RFX3: variants seen among roughly 807,000 people sequenced by gnomAD.
RFX3 encodes regulatory factor X3.
A neutral mutation model predicts 98.6 loss-of-function variants in RFX3; 14 were observed. The ratio of observed to expected loss-of-function variants is 0.14; its 90% CI spans 0.09 to 0.22. The LOEUF (loss-of-function observed/expected upper bound fraction) is 0.22, where lower values mean the gene tolerates loss of function less well. Among genes scored for constraint, RFX3 ranks in the 10% least tolerant of loss-of-function variants. The probability of loss-of-function intolerance (pLI) is 1.00; values close to 1 mark genes in which losing one functional copy is unlikely to be tolerated. For synonymous variants in RFX3, 383 were observed against 328.4 expected, an observed-to-expected ratio of 1.17 and a Z score of -1.80; for missense variants, 639 against 926.9, an observed-to-expected ratio of 0.69 and a Z score of 4.03.
At chr9:3,367,004 T>C (rs1837286939) in intron 2 of RFX3, among the ~76,000 whole-genome samples, 1 of 152,098 alleles carries the variant, frequency 6.6e-6, no homozygotes, top group Non-Finnish European at 1.5e-5. Flanking sequence ...ATTATGAAGA[T>C]TGATAATAGA....
chr9:3,306,257 C>A (rs1829302870), intron 4 of RFX3, among the ~76,000 whole-genome samples: 1 of 152,000 alleles, frequency 6.6e-6, no homozygotes, highest in South Asian at 2.1e-4. Context: ...ATCCCCATAG[C>A]TTCATGCAAC....
At chr9:3,379,168 A>G (rs976230850) in intron 2 of RFX3, among the ~76,000 whole-genome samples, 5 of 152,292 alleles carry the variant, frequency 3.3e-5, no homozygotes, top group African/African-American at 1.2e-4. Flanking sequence ...TCATCAATGT[A>G]CATTACAGTT....
intron 5 of RFX3, among the ~76,000 whole-genome samples, chr9:3,296,767 A>T (rs1453128488): frequency 2.0e-5 from 3 of 152,064 alleles, no homozygotes; most frequent in African/African-American, 7.2e-5. Flanking sequence ...GAAAGGATGG[A>T]GATGGCTTTG....
intron 4 of RFX3, among the ~76,000 whole-genome samples, chr9:3,328,638 T>C (rs13283906): frequency 0.043 from 6,471 of 152,214 alleles, 164 homozygotes; most frequent in Non-Finnish European, 0.056. Flanking sequence ...GTTCTGATGT[T>C]AGTAACAAAT....
chr9:3,415,063 T>C (rs1285213875), intron 1 of RFX3, among the ~76,000 whole-genome samples: 1 of 89,316 alleles, frequency 1.1e-5, no homozygotes, highest in Admixed American at 1.1e-4. Context: ...TATATACTCA[T>C]ATATAAGTAT....
Position 3,505,179 on chromosome 9 carries a change from A to T in RFX3, c.-9+20568T>A, listed in dbSNP as rs868767218. Among the ~76,000 whole-genome samples, 370 of 81,136 alleles carry T rather than the reference A, an allele frequency of 4.6e-3. 1 individual carries two copies. The highest frequency in any genetic ancestry group is 0.019 in the African/African-American group (328 of 17,540). The allele number at this position is 81,136 out of a possible 152,430, so 53.2% of individuals were successfully genotyped here. On this transcript the variant is annotated intron_variant, in intron 1 of 16. Coordinates refer to ENST00000617270, the MANE Select transcript of RFX3 (RefSeq NM_001282116.2). ...ATGAAATATATTTTATATTCATATA[A>T]ATATATATATGAATATATATTTATA...
chr9:3,296,177 A>G (rs1827962173), intron 5 of RFX3, among the ~76,000 whole-genome samples: 2 of 151,940 alleles, frequency 1.3e-5, no homozygotes, highest in African/African-American at 4.8e-5. Context: ...ACAAATATTA[A>G]AGTTTAATAT....
At chr9:3,433,434 T>C (rs1450086987) in intron 1 of RFX3, among the ~76,000 whole-genome samples, 1 of 152,216 alleles carries the variant, frequency 6.6e-6, no homozygotes, top group East Asian at 1.9e-4. Flanking sequence ...TTCTTCTCTC[T>C]AGCTTAATTT....
Position 3,477,651 on chromosome 9 carries a change from T to A in RFX3, c.-9+48096A>T, listed in dbSNP as rs796982843. On this transcript the variant is annotated intron_variant, in intron 1 of 16. Coordinates refer to ENST00000617270, the MANE Select transcript of RFX3 (RefSeq NM_001282116.2). ...ATGGATCACTTTGGGCTTATTCAAC[T>A]TGGATTACAGTGAGCTTCTTGGATG... Among the ~76,000 whole-genome samples, 12 of 152,316 alleles carry A rather than the reference T, an allele frequency of 7.9e-5. 1 individual carries two copies. The highest frequency in any genetic ancestry group is 2.9e-4 in the African/African-American group (12 of 41,590).
At chr9:3,259,654 C>T (rs1649966605) in intron 13 of RFX3, among the ~76,000 whole-genome samples, 1 of 151,438 alleles carries the variant, frequency 6.6e-6, no homozygotes, top group Non-Finnish European at 1.5e-5. Context: ...TCTCAAAAAC[C>T]ACCATTTACA....
chr9:3,424,667 G>A (rs1346059726), intron 1 of RFX3, among the ~76,000 whole-genome samples: 1 of 151,650 alleles, frequency 6.6e-6, no homozygotes, highest in Non-Finnish European at 1.5e-5. Context: ...GCCCATAATT[G>A]ACTGTCTTAA....
At chr9:3,501,552 TTC>T (rs1204233151) in intron 1 of RFX3, among the ~76,000 whole-genome samples, 5 of 149,482 alleles carry the variant, frequency 3.3e-5, no homozygotes, top group East Asian at 1.9e-4. Context: ...ATTTTTTTCC[TTC>T]TTTTTTTTTT....
At chr9:3,389,391 T>C (rs991944509) in intron 2 of RFX3, among the ~76,000 whole-genome samples, 1 of 152,150 alleles carries the variant, frequency 6.6e-6, no homozygotes, top group East Asian at 1.9e-4. Flanking sequence ...CAAAAAGTCT[T>C]TATAAAGATG....
chr9:3,292,012 G>C (rs982043848), intron 6 of RFX3, among the ~76,000 whole-genome samples: 2 of 123,538 alleles, frequency 1.6e-5, no homozygotes, highest in African/African-American at 6.1e-5. Flanking sequence ...AGCTGAGATC[G>C]TGCCACTGCA....
chr9:3,422,916 A>G (rs1843581634), intron 1 of RFX3, among the ~76,000 whole-genome samples: 1 of 152,222 alleles, frequency 6.6e-6, no homozygotes, highest in Non-Finnish European at 1.5e-5. Context: ...ATTTAAAAAA[A>G]TAATTAAAAA....
chr9:3,412,921 A>G (rs1842579094), intron 1 of RFX3, among the ~76,000 whole-genome samples: 1 of 152,164 alleles, frequency 6.6e-6, no homozygotes, highest in African/African-American at 2.4e-5. Flanking sequence ...AATAAAAATC[A>G]ATAACTATAG....
At chr9:3,398,788 C>T (rs1378367808) in intron 1 of RFX3, among the ~76,000 whole-genome samples, 1 of 151,994 alleles carries the variant, frequency 6.6e-6, no homozygotes, top group Non-Finnish European at 1.5e-5. Flanking sequence ...TTGACATCAA[C>T]TGTTTTAGAT....
chr9:3,417,495 T>C (rs948478506), intron 1 of RFX3, among the ~76,000 whole-genome samples: 1 of 152,016 alleles, frequency 6.6e-6, no homozygotes, highest in South Asian at 2.1e-4. Flanking sequence ...CACAAAAGAA[T>C]TAAGTTAAAA....
chr9:3,298,870 A>C (rs1828314454), intron 5 of RFX3, among the ~76,000 whole-genome samples: 1 of 151,804 alleles, frequency 6.6e-6, no homozygotes, highest in African/African-American at 2.4e-5. Flanking sequence ...ATATTCCAAA[A>C]TAGAATGAGA....
Sources: gnomAD v4.1 joint callset for allele counts (sites outside exome capture counted in the v4.1 genomes callset) on GRCh38, gnomAD v4.1.1 for gene constraint, MANE v1.5 for transcripts, NCBI Gene and HGNC (gene_info 2026-07-23, HGNC 2026-07-21) for gene names.